Variants in FAT3 observed in about 807,000 individuals in gnomAD.
FAT3 encodes FAT atypical cadherin 3, also known as protocadherin Fat 3.
A neutral mutation model predicts 310.2 loss-of-function variants in FAT3; 95 were observed. The ratio of observed to expected loss-of-function variants is 0.31; its 90% CI spans 0.26 to 0.36. FAT3 has a LOEUF of 0.36. Among genes scored for constraint, FAT3 ranks in the 10% least tolerant of loss-of-function variants. FAT3 has a pLI of 1.00. For missense variants in FAT3, 5,408 were observed against 5,715.6 expected (o/e 0.95, Z 1.74); for synonymous variants, 2,314 against 2,192.9 (o/e 1.06, Z -1.54).
At chr11:92,478,264 T>A (rs1436188931) in intron 2 of FAT3, among the ~76,000 whole-genome samples, 1 of 152,212 alleles carries the variant, frequency 6.6e-6, no homozygotes, top group African/African-American at 2.4e-5. Context: ...GAATTTAATC[T>A]TACTACGGAT....
intron 3 of FAT3, among the ~76,000 whole-genome samples, chr11:92,651,668 G>C (rs1942384270): frequency 6.6e-6 from 1 of 152,132 alleles, no homozygotes. Flanking sequence ...TTCATGATGA[G>C]AGCAGACACC....
intron 2 of FAT3, among the ~76,000 whole-genome samples, chr11:92,435,017 G>T (rs1424302580): frequency 6.6e-6 from 1 of 152,142 alleles, no homozygotes; most frequent in African/African-American, 2.4e-5. Flanking sequence ...GAGTTCCGTG[G>T]TGGCAGGCTG....
chr11:92,726,935 ATAGAAG>A (rs1000825343), intron 4 of FAT3, among the ~76,000 whole-genome samples: 73 of 152,206 alleles, frequency 4.8e-4, no homozygotes, highest in African/African-American at 1.7e-3. Context: ...AATCTATTCA[ATAGAAG>A]TCCACATCTC....
At chr11:92,311,092 A>G (rs940562794) in intron 1 of FAT3, among the ~76,000 whole-genome samples, 10 of 151,916 alleles carry the variant, frequency 6.6e-5, no homozygotes, top group Non-Finnish European at 8.8e-5. Flanking sequence ...ACATATATGT[A>G]TATATCTTAA....
chr11:92,300,094 A>G (rs1946956348), intron 1 of FAT3, among the ~76,000 whole-genome samples: 1 of 152,042 alleles, frequency 6.6e-6, no homozygotes, highest in South Asian at 2.1e-4. Flanking sequence ...CATCCTAACA[A>G]TTGGGGGAAT....
intron 2 of FAT3, among the ~76,000 whole-genome samples, chr11:92,368,639 T>A (rs1382476854): frequency 6.6e-6 from 1 of 152,052 alleles, no homozygotes; most frequent in Non-Finnish European, 1.5e-5. Flanking sequence ...CTCTGTTCAT[T>A]TTAGCCTAAT....
chr11:92,811,182 G>A (rs1947662223), intron 13 of FAT3, among the ~76,000 whole-genome samples: 1 of 152,122 alleles, frequency 6.6e-6, no homozygotes, highest in Non-Finnish European at 1.5e-5. Flanking sequence ...ACCTCTTATT[G>A]ATATATATTT....
chr11:92,760,434 T>C (rs575628828), intron 4 of FAT3, among the ~76,000 whole-genome samples: 1 of 152,234 alleles, frequency 6.6e-6, no homozygotes, highest in Non-Finnish European at 1.5e-5. Flanking sequence ...GTTTTTCTCC[T>C]ATTGATGTTG....
intron 4 of FAT3, among the ~76,000 whole-genome samples, chr11:92,705,760 ATGGTGTGATGGTGGTGGTGATGGTGG>A (rs1944309358): frequency 2.6e-4 from 1 of 3,788 alleles, no homozygotes; most frequent in Non-Finnish European, 5.3e-4. Context: ...TGGTGCTGTG[ATGGTGTGATGGTGGTGGTGATGGTGG>A]TGGTGTGATG....
rs375224273 is a variant in FAT3, at chr11:92,225,038, C to T, written c.-154C>T. Among the ~76,000 whole-genome samples the T allele has an allele frequency of 6.6e-6, 1 of 152,120 alleles. No homozygotes were observed. Among genetic ancestry groups the T allele is most frequent in the Non-Finnish European group, 1.5e-5 (1 of 68,024 alleles). On this transcript the variant is annotated 5_prime_UTR_variant, in exon 1 of 28. Coordinates refer to ENST00000525166, the MANE Select transcript of FAT3 (RefSeq NM_001367949.2). ...AGCGCTTCTGCTCGCGGCCTCAGTC[C>T]CGGCTAGCGCGCGGTGGGCGCTGCG...
chr11:92,249,941 G>A (rs1865071151), intron 1 of FAT3, among the ~76,000 whole-genome samples: 1 of 152,108 alleles, frequency 6.6e-6, no homozygotes, highest in Admixed American at 6.6e-5. Flanking sequence ...TCTGGTGCAA[G>A]ATAGAACAGA....
chr11:92,458,021 A>G (rs575848864), intron 2 of FAT3, among the ~76,000 whole-genome samples: 1 of 152,326 alleles, frequency 6.6e-6, no homozygotes, highest in South Asian at 2.1e-4. Context: ...CCTGGCTGGT[A>G]GCTGAGCAGA....
intron 3 of FAT3, among the ~76,000 whole-genome samples, chr11:92,536,988 C>A (rs138642970): frequency 1.3e-5 from 2 of 152,284 alleles, no homozygotes; most frequent in East Asian, 1.9e-4. Flanking sequence ...TTTCTATAGG[C>A]CACAGAATCC....
rs1489776709 is a variant in FAT3, at chr11:92,883,239, G to A, written c.12783G>A (p.Gln4261=). Reference sequence around the variant, plus strand: ...TGGACGGGCTGGGAGGCGAGCACCAGGAAATGACCACGTTTCACCCTGAGT... The same window carrying A: ...TGGACGGGCTGGGAGGCGAGCACCAAGAAATGACCACGTTTCACCCTGAGT... ...KIVDGLGGEH[Q]EMTTFHPESP... Residue 4261 remains glutamine, a synonymous_variant, in exon 24 of 28, where the codon CAG becomes CAA. Transcript: ENST00000525166. The surrounding 1 kb of genome is among the most constrained non-coding windows in gnomAD (Gnocchi z 4.2). 6.2e-7 allele frequency: 1 copy of A among 1,613,016 alleles called. No individual in the cohort carries two copies. The highest frequency in any genetic ancestry group is 8.5e-7 in the Non-Finnish European group (1 of 1,179,850).
intron 3 of FAT3, among the ~76,000 whole-genome samples, chr11:92,572,568 G>A (rs896047185): frequency 6.6e-6 from 1 of 152,108 alleles, no homozygotes; most frequent in Non-Finnish European, 1.5e-5. Context: ...ATGGAAGATC[G>A]CATGTAGCAA....
chr11:92,678,510 C>T (rs73556449), intron 3 of FAT3, among the ~76,000 whole-genome samples: 2,120 of 152,264 alleles, frequency 0.014, 63 homozygotes, highest in African/African-American at 0.049. Flanking sequence ...CCCATTAGGC[C>T]TCCCAGTGCT....
intron 2 of FAT3, among the ~76,000 whole-genome samples, chr11:92,371,410 A>G (rs1949183327): frequency 6.6e-6 from 1 of 150,644 alleles, no homozygotes; most frequent in Admixed American, 6.6e-5. Context: ...AACAGCCCTA[A>G]GTACCTCCTT....
chr11:92,637,657 CT>C (rs1299755043), intron 3 of FAT3, among the ~76,000 whole-genome samples: 2 of 152,166 alleles, frequency 1.3e-5, no homozygotes, highest in Non-Finnish European at 2.9e-5. Flanking sequence ...ACGTTAAGAA[CT>C]ATAGTAACTT....
At chr11:92,458,580 C>G (rs1436211599) in intron 2 of FAT3, among the ~76,000 whole-genome samples, 1 of 69,868 alleles carries the variant, frequency 1.4e-5, no homozygotes, top group African/African-American at 3.1e-5. Context: ...CCCTTCCCAG[C>G]CACCAGCAGA....
Sources: allele counts gnomAD v4.1 joint callset (sites outside exome capture counted in the v4.1 genomes callset), GRCh38; gene constraint gnomAD v4.1.1; non-coding constraint Gnocchi (gnomAD v3.1); transcripts MANE v1.5; gene names NCBI Gene and HGNC (gene_info 2026-07-23, HGNC 2026-07-21).